PLCXD3: variants seen among roughly 807,000 people sequenced by gnomAD.
PLCXD3 encodes phosphatidylinositol specific phospholipase C X domain containing 3.
In PLCXD3, 19 loss-of-function variants were observed where a neutral mutation model predicts 25.5. That is an observed-to-expected ratio of 0.75 (90% confidence interval 0.52 to 1.09). PLCXD3 has a LOEUF of 1.09. Ranked by LOEUF, PLCXD3 falls within the 50% of genes least tolerant of loss-of-function variation. The pLI, the probability that PLCXD3 is intolerant of heterozygous loss-of-function variation, is 0.00. For synonymous variants in PLCXD3, 174 were observed against 137.6 expected, an observed-to-expected ratio of 1.26 and a Z score of -1.85; for missense variants, 411 against 388.1, an observed-to-expected ratio of 1.06 and a Z score of -0.50.
At position 41,469,912 on chromosome 5, in the gene PLCXD3, T is replaced by G. The variant is rs182823437; in HGVS notation, c.103+40512A>C. Among the ~76,000 whole-genome samples the G allele has an allele frequency of 2.6e-5, 4 of 152,300 alleles. No homozygotes were observed. The East Asian group carries it at 7.7e-4, about 29-fold the overall frequency. ...CCAATAAAGGTTATCCACACATTTG[T>G]CATGTATGGTTTTAAACACCTTGCC... On this transcript the variant is annotated intron_variant, in intron 1 of 2. Coordinates refer to ENST00000377801, the MANE Select transcript of PLCXD3 (RefSeq NM_001005473.3).
chr5:41,428,869 A>G (rs765789282), intron 1 of PLCXD3, among the ~76,000 whole-genome samples: 15 of 152,186 alleles, frequency 9.9e-5, no homozygotes, highest in Non-Finnish European at 1.9e-4. Flanking sequence ...ATAGTTTCAC[A>G]GTAAAATAAA....
chr5:41,340,269 C>T (rs554373980), intron 2 of PLCXD3, among the ~76,000 whole-genome samples: 22 of 152,200 alleles, frequency 1.4e-4, no homozygotes, highest in African/African-American at 4.6e-4. Context: ...CACGTAGTGT[C>T]CCTAAAAACA....
At chr5:41,363,718 G>A (rs960912185) in intron 2 of PLCXD3, among the ~76,000 whole-genome samples, 3 of 152,188 alleles carry the variant, frequency 2.0e-5, no homozygotes, top group Non-Finnish European at 2.9e-5. Flanking sequence ...AAACTTGAAT[G>A]AGCCTAGCTT....
At chr5:41,387,482 T>C (rs1017678473) in intron 1 of PLCXD3, among the ~76,000 whole-genome samples, 2 of 152,140 alleles carry the variant, frequency 1.3e-5, no homozygotes, top group Non-Finnish European at 2.9e-5. Flanking sequence ...TGTAGTGTCA[T>C]ACGAGTATTA....
At chr5:41,347,529 T>G (rs1333964412) in intron 2 of PLCXD3, among the ~76,000 whole-genome samples, 2 of 152,212 alleles carry the variant, frequency 1.3e-5, no homozygotes, top group African/African-American at 4.8e-5. Flanking sequence ...CTTTCTCACT[T>G]AATTTTGGAG....
At chr5:41,381,375 T>C (rs1745457030) in intron 2 of PLCXD3, among the ~76,000 whole-genome samples, 1 of 152,110 alleles carries the variant, frequency 6.6e-6, no homozygotes, top group Admixed American at 6.6e-5. Context: ...ATTTGGAAAT[T>C]GGTTCCTTGC....
intron 1 of PLCXD3, among the ~76,000 whole-genome samples, chr5:41,397,619 G>A (rs545285540): frequency 6.6e-6 from 1 of 152,178 alleles, no homozygotes; most frequent in Non-Finnish European, 1.5e-5. Flanking sequence ...TGTGAGAAGA[G>A]AGACACAATC....
chr5:41,331,710 A>C (rs1261165034), intron 2 of PLCXD3, among the ~76,000 whole-genome samples: 2 of 152,200 alleles, frequency 1.3e-5, no homozygotes, highest in African/African-American at 2.4e-5. Context: ...AGGCTACAGT[A>C]ACCAAAACAG....
intron 1 of PLCXD3, among the ~76,000 whole-genome samples, chr5:41,449,974 T>G (rs1747590524): frequency 1.3e-5 from 2 of 152,134 alleles, no homozygotes; most frequent in Admixed American, 1.3e-4. Flanking sequence ...ATAATTTTAA[T>G]GCTAAAGAAG....
intron 2 of PLCXD3, among the ~76,000 whole-genome samples, chr5:41,369,660 C>G (rs192475451): frequency 2.0e-5 from 3 of 151,892 alleles, no homozygotes; most frequent in Non-Finnish European, 4.4e-5. Flanking sequence ...TTTTTAGTTT[C>G]GTAGACAGGG....
chr5:41,465,619 G>C (rs1328864123), intron 1 of PLCXD3, among the ~76,000 whole-genome samples: 2 of 151,742 alleles, frequency 1.3e-5, no homozygotes, highest in Non-Finnish European at 2.9e-5. Context: ...AAGAACTTGA[G>C]GTTGAGTAGT....
intron 1 of PLCXD3, among the ~76,000 whole-genome samples, chr5:41,470,598 T>A (rs996290068): frequency 1.3e-5 from 2 of 152,122 alleles, no homozygotes; most frequent in Admixed American, 6.5e-5. Flanking sequence ...AGGCATACCA[T>A]GGAAATTGAA....
chr5:41,356,923 T>A (rs911150364), intron 2 of PLCXD3, among the ~76,000 whole-genome samples: 18 of 152,328 alleles, frequency 1.2e-4, no homozygotes, highest in African/African-American at 3.6e-4. Flanking sequence ...GGGCCCACTG[T>A]TAGCTGCTAG....
chr5:41,373,181 T>C (rs928904712), intron 2 of PLCXD3, among the ~76,000 whole-genome samples: 7 of 152,132 alleles, frequency 4.6e-5, no homozygotes, highest in African/African-American at 1.4e-4. Flanking sequence ...AATCAATCCA[T>C]CCAACTTCCC....
intron 1 of PLCXD3, among the ~76,000 whole-genome samples, chr5:41,497,718 C>T (rs1366244462): frequency 1.3e-5 from 2 of 151,778 alleles, no homozygotes; most frequent in East Asian, 3.9e-4. Context: ...TTAACAACAG[C>T]AGAATACACA....
chr5:41,343,766 G>A (rs1324447825), intron 2 of PLCXD3, among the ~76,000 whole-genome samples: 3 of 152,076 alleles, frequency 2.0e-5, no homozygotes, highest in Non-Finnish European at 2.9e-5. Flanking sequence ...TAATGAAAAC[G>A]TGGTTTAATG....
chr5:41,344,536 T>G (rs574743522), intron 2 of PLCXD3, among the ~76,000 whole-genome samples: 1 of 152,250 alleles, frequency 6.6e-6, no homozygotes, highest in Non-Finnish European at 1.5e-5. Context: ...CAGTTCCCAT[T>G]ATTTTGCTCT....
chr5:41,506,406 G>T lies in PLCXD3; in HGVS notation c.103+4018C>A, dbSNP rs1304861614. Among the ~76,000 whole-genome samples the T allele has an allele frequency of 4.6e-5, 7 of 152,332 alleles. No homozygotes were observed. The East Asian group carries it at 1.3e-3, about 29-fold the overall frequency. ...AGAATTAGAGAGGCAGAACAAGAGA[G>T]ATATTCATCCTAAACAATGTTGTTG... On this transcript the variant is annotated intron_variant, in intron 1 of 2. Transcript: ENST00000377801.
intron 1 of PLCXD3, among the ~76,000 whole-genome samples, chr5:41,406,705 G>A (rs1477339460): frequency 6.6e-6 from 1 of 152,014 alleles, no homozygotes; most frequent in Non-Finnish European, 1.5e-5. Flanking sequence ...TAGCTTTCAG[G>A]TACTGCTTTG....
Sources: gnomAD v4.1 joint callset for allele counts (sites outside exome capture counted in the v4.1 genomes callset) on GRCh38, gnomAD v4.1.1 for gene constraint, MANE v1.5 for transcripts, NCBI Gene and HGNC (gene_info 2026-07-23, HGNC 2026-07-21) for gene names.